CEP128: variants seen among roughly 807,000 people sequenced by gnomAD.
CEP128 encodes centrosomal protein 128.
CEP128 carries 132 observed loss-of-function variants against 156.7 expected under a neutral mutation model. The observed-to-expected ratio is 0.84, with a 90% CI of 0.73 to 0.97. The LOEUF (loss-of-function observed/expected upper bound fraction) is 0.97, where lower values mean the gene tolerates loss of function less well. Among genes scored for constraint, CEP128 ranks in the 50% least tolerant of loss-of-function variants. CEP128 has a pLI of 0.00. For synonymous variants in CEP128, 469 were observed against 448.9 expected (o/e 1.04, Z -0.57); for missense variants, 1,252 against 1,281.9 (o/e 0.98, Z 0.36).
intron 19 of CEP128, among the ~76,000 whole-genome samples, chr14:80,690,243 T>TCAA (rs1896672701): frequency 8.3e-6 from 1 of 120,368 alleles, no homozygotes; most frequent in African/African-American, 3.6e-5. Flanking sequence ...CCTGTCTCTA[T>TCAA]TAAAAAAAAA....
chr14:80,848,111 A>G (rs893834520), intron 9 of CEP128, among the ~76,000 whole-genome samples: 1 of 152,204 alleles, frequency 6.6e-6, no homozygotes, highest in Non-Finnish European at 1.5e-5. Context: ...ACAAATAATG[A>G]AAGTGTTAAG....
At chr14:80,569,537 G>A (rs1891051415) in intron 20 of CEP128, among the ~76,000 whole-genome samples, 1 of 152,166 alleles carries the variant, frequency 6.6e-6, no homozygotes, top group South Asian at 2.1e-4. Flanking sequence ...GGTTGTAGGA[G>A]TTCAGAAAAG....
rs1265654776 is a variant in CEP128 at position 80,851,831 on chromosome 14, C to T, written c.762+10926G>A. On this transcript the variant is annotated intron_variant, in intron 9 of 24. Coordinates refer to ENST00000555265, the MANE Select transcript of CEP128 (RefSeq NM_152446.5). ...AAGATTAAAGAGGGAAAATGATATG[C>T]CATGAATAAAGTAATCTTAAGAATG... 7.3e-5 allele frequency among the ~76,000 whole-genome samples: 11 copies of T among 151,722 alleles called. No homozygotes were observed. The East Asian group carries it at 1.7e-3, about 24-fold the overall frequency.
At chr14:80,701,966 T>C (rs1253311809) in intron 19 of CEP128, among the ~76,000 whole-genome samples, 1 of 152,176 alleles carries the variant, frequency 6.6e-6, no homozygotes, top group Non-Finnish European at 1.5e-5. Context: ...CTCACATTCT[T>C]TCATTCTTGG....
chr14:80,850,926 G>T (rs1886858621), intron 9 of CEP128, among the ~76,000 whole-genome samples: 1 of 152,114 alleles, frequency 6.6e-6, no homozygotes, highest in African/African-American at 2.4e-5. Flanking sequence ...ATTTAACTAT[G>T]ATTGAATTCT....
intron 4 of CEP128, among the ~76,000 whole-genome samples, chr14:80,913,884 T>C (rs1227862821): frequency 6.6e-6 from 1 of 152,152 alleles, no homozygotes; most frequent in Non-Finnish European, 1.5e-5. Flanking sequence ...AATTCATCCA[T>C]GAAACCAAAA....
intron 4 of CEP128, among the ~76,000 whole-genome samples, chr14:80,909,407 A>ACACACACACACACACAC: frequency 1.3e-5 from 2 of 149,846 alleles, no homozygotes; most frequent in African/African-American, 4.9e-5. Flanking sequence ...ACACACACGC[A>ACACACACACACACACAC]AACTCCCTGC....
intron 18 of CEP128, among the ~76,000 whole-genome samples, chr14:80,744,893 T>C (rs1002540588): frequency 3.3e-5 from 5 of 152,198 alleles, no homozygotes; most frequent in Non-Finnish European, 5.9e-5. Flanking sequence ...GGGTCCCAAC[T>C]GCCATTTCCC....
At chr14:80,838,318 A>G (rs1158024334) in intron 10 of CEP128, 40 bp from the exon 11 acceptor site, 1 of 1,437,234 alleles carries the variant, frequency 7.0e-7, no homozygotes, top group East Asian at 2.3e-5. Context: ...TGCCCAATGG[A>G]GCAGAAGATA....
intron 19 of CEP128, among the ~76,000 whole-genome samples, chr14:80,695,725 A>G (rs1896870867): frequency 1.3e-5 from 2 of 151,920 alleles, no homozygotes; most frequent in South Asian, 4.2e-4. Flanking sequence ...AAAAAAAAAA[A>G]AAAGAAATTG....
intron 23 of CEP128, among the ~76,000 whole-genome samples, chr14:80,508,206 G>A (rs528988955): frequency 2.6e-5 from 4 of 152,278 alleles, no homozygotes; most frequent in East Asian, 3.9e-4. Context: ...GTGAGCCACC[G>A]CGCCTGGCCT....
chr14:80,886,132 A>G (rs947532377), intron 8 of CEP128, among the ~76,000 whole-genome samples: 1 of 152,212 alleles, frequency 6.6e-6, no homozygotes, highest in Non-Finnish European at 1.5e-5. Context: ...GGACTATGTG[A>G]AAAGACCAAA....
At chr14:80,514,812 G>T in intron 23 of CEP128, 1 of 198,742 alleles carries the variant, frequency 5.0e-6, no homozygotes, top group Non-Finnish European at 1.1e-5. Context: ...TGAAGAGTTG[G>T]GTATCTATTG....
chr14:80,574,372 G>A (rs999495193), intron 20 of CEP128, among the ~76,000 whole-genome samples: 6 of 152,110 alleles, frequency 3.9e-5, no homozygotes, highest in Non-Finnish European at 7.4e-5. Context: ...TACTGGTTAT[G>A]GGCATGCTAC....
At chr14:80,485,947 T>G (rs1468503873), downstream of CEP128, among the ~76,000 whole-genome samples, 1 of 152,210 alleles carries the variant, frequency 6.6e-6, no homozygotes, top group Non-Finnish European at 1.5e-5. Flanking sequence ...TTCCAAACCA[T>G]AAAATCACTG....
At chr14:80,570,584 T>A (rs1891099576) in intron 20 of CEP128, among the ~76,000 whole-genome samples, 1 of 152,194 alleles carries the variant, frequency 6.6e-6, no homozygotes, top group African/African-American at 2.4e-5. Context: ...CAGCTCCATT[T>A]GACTCAAAAC....
At chr14:80,925,835 T>C (rs1477966229) in intron 2 of CEP128, among the ~76,000 whole-genome samples, 1 of 152,056 alleles carries the variant, frequency 6.6e-6, no homozygotes, top group Non-Finnish European at 1.5e-5. Context: ...GAGGAGAGAC[T>C]GCCTCCATGA....
chr14:80,713,151 C>T (rs1897474190), intron 19 of CEP128, among the ~76,000 whole-genome samples: 1 of 152,110 alleles, frequency 6.6e-6, no homozygotes, highest in Admixed American at 6.6e-5. Context: ...GCAGCCTCCC[C>T]ATTGCTCCTA....
chr14:80,817,248 A>G (rs1226547578), intron 13 of CEP128, among the ~76,000 whole-genome samples: 2 of 152,232 alleles, frequency 1.3e-5, no homozygotes, highest in Non-Finnish European at 2.9e-5. Flanking sequence ...AGAAAAACCC[A>G]AAAGGTAGAG....
Sources: allele counts gnomAD v4.1 joint callset (sites outside exome capture counted in the v4.1 genomes callset), GRCh38; gene constraint gnomAD v4.1.1; transcripts MANE v1.5; gene names NCBI Gene and HGNC (gene_info 2026-07-23, HGNC 2026-07-21).